SNX29: variants seen among roughly 807,000 people sequenced by gnomAD.
SNX29 encodes sorting nexin 29.
A neutral mutation model predicts 102.1 loss-of-function variants in SNX29; 78 were observed. The observed-to-expected ratio is 0.76, with a 90% CI of 0.64 to 0.92. The LOEUF (loss-of-function observed/expected upper bound fraction) is 0.92. SNX29 is among the 40% of genes least tolerant of loss of function. The probability of loss-of-function intolerance (pLI) is 0.00; values close to 1 mark genes in which losing one functional copy is unlikely to be tolerated. For synonymous variants in SNX29, 580 were observed against 414.5 expected (o/e 1.40, Z -4.85); for missense variants, 1,280 against 1,061.7 (o/e 1.21, Z -2.86).
intron 20 of SNX29, among the ~76,000 whole-genome samples, chr16:12,551,604 A>G (rs368960432): frequency 5.9e-5 from 9 of 152,212 alleles, no homozygotes; most frequent in Non-Finnish European, 1.0e-4. Flanking sequence ...CTGGTGTTAC[A>G]ATTAGATCTG....
At chr16:12,561,228 G>A (rs1013070332) in intron 20 of SNX29, 3 of 229,940 alleles carry the variant, frequency 1.3e-5, no homozygotes, top group East Asian at 1.2e-4. Context: ...CAGTACAGAA[G>A]GCAGAGCAAG....
intron 13 of SNX29, among the ~76,000 whole-genome samples, chr16:12,144,766 G>T (rs1037433312): frequency 2.6e-5 from 4 of 152,246 alleles, no homozygotes; most frequent in Admixed American, 2.0e-4. Context: ...GTGTTACCCA[G>T]GCTGGACTGC....
chr16:12,157,158 C>T (rs956769436), intron 13 of SNX29, among the ~76,000 whole-genome samples: 4 of 152,152 alleles, frequency 2.6e-5, no homozygotes, highest in Non-Finnish European at 4.4e-5. Context: ...GCCTCGCAGT[C>T]GCCTCGGAAG....
chr16:12,564,158 G>A (rs2078889000), intron 20 of SNX29, among the ~76,000 whole-genome samples: 1 of 152,148 alleles, frequency 6.6e-6, no homozygotes, highest in Non-Finnish European at 1.5e-5. Flanking sequence ...GAGGCCTGAG[G>A]TAGAGGATTG....
At chr16:12,099,567 G>A (rs2141188517) in intron 11 of SNX29, among the ~76,000 whole-genome samples, 1 of 152,302 alleles carries the variant, frequency 6.6e-6, no homozygotes, top group South Asian at 2.1e-4. Flanking sequence ...TGGCTCTTGG[G>A]TCCCCCACAG....
rs1243893297 is a variant in SNX29, at chr16:12,571,534, C to CT, written c.*2908dup. ...AGGGCCTTGGATTCCTGGGACCACC[C>CT]TTTGCTGGGAGGAAGAATCCACACC... On this transcript the variant is annotated 3_prime_UTR_variant, in exon 21 of 21. Transcript: ENST00000566228. The CT allele has an allele frequency of 2.3e-6, 2 of 888,304 alleles. No homozygotes were observed. The highest frequency in any genetic ancestry group is 2.8e-6 in the Non-Finnish European group (2 of 718,380). The allele number at this position is 888,304 out of a possible 1,614,324, so 55.0% of individuals were successfully genotyped here.
intron 14 of SNX29, among the ~76,000 whole-genome samples, chr16:12,237,054 G>T (rs1455112120): frequency 6.6e-6 from 1 of 152,182 alleles, no homozygotes; most frequent in Non-Finnish European, 1.5e-5. Context: ...TTGGGAAACT[G>T]ACTCTCAGTC....
intron 17 of SNX29, among the ~76,000 whole-genome samples, chr16:12,401,001 T>A (rs940284951): frequency 6.6e-6 from 1 of 152,076 alleles, no homozygotes; most frequent in African/African-American, 2.4e-5. Flanking sequence ...ATTTTTTTTG[T>A]TTGTATTTTT....
intron 13 of SNX29, among the ~76,000 whole-genome samples, chr16:12,155,376 A>C (rs906674999): frequency 1.3e-5 from 2 of 152,316 alleles, no homozygotes; most frequent in Middle Eastern, 3.4e-3. Flanking sequence ...GGAGCAGCTC[A>C]CGTGAAGAGC....
At chr16:12,543,830 G>GT (rs2077457355) in intron 20 of SNX29, among the ~76,000 whole-genome samples, 1 of 152,200 alleles carries the variant, frequency 6.6e-6, no homozygotes, top group African/African-American at 2.4e-5. Flanking sequence ...GGACACCTTC[G>GT]TATTTGGAAG....
rs568234339 is a variant in SNX29 at position 12,539,032 on chromosome 16, T to TG, written c.2318+14195dup. ...GCCAAAACCATCCATGAATCCAGAA[T>TG]GGGGCCCAGAAAGACATCACTGTGT... is the stretch of plus-strand genomic sequence containing the variant. On this transcript the variant is annotated intron_variant, in intron 20 of 20. Transcript: ENST00000566228. 2.0e-4 allele frequency among the ~76,000 whole-genome samples: 30 copies of TG among 152,250 alleles called. No individual in the cohort carries two copies. The East Asian group carries it at 5.8e-3, about 29-fold the overall frequency.
intron 13 of SNX29, among the ~76,000 whole-genome samples, chr16:12,152,296 G>T (rs2055335573): frequency 6.6e-6 from 1 of 152,132 alleles, no homozygotes; most frequent in African/African-American, 2.4e-5. Context: ...ATACTTTTCT[G>T]TTAAGAGGTG....
chr16:12,439,769 C>G (rs1476717768), intron 18 of SNX29, among the ~76,000 whole-genome samples: 1 of 152,220 alleles, frequency 6.6e-6, no homozygotes, highest in East Asian at 1.9e-4. Flanking sequence ...GGTACACTTA[C>G]TTTGCCTCTC....
intron 15 of SNX29, among the ~76,000 whole-genome samples, chr16:12,304,371 C>CT (rs1435158766): frequency 3.9e-5 from 6 of 152,216 alleles, no homozygotes; most frequent in Non-Finnish European, 7.3e-5. Flanking sequence ...CTCCCAGGTT[C>CT]AAGCGATTCT....
At chr16:12,003,992 C>T (rs568171725) in intron 3 of SNX29, among the ~76,000 whole-genome samples, 7 of 152,050 alleles carry the variant, frequency 4.6e-5, no homozygotes, top group East Asian at 1.9e-4. Context: ...GCTGAGATCG[C>T]GCCACTGTAC....
intron 19 of SNX29, among the ~76,000 whole-genome samples, chr16:12,481,264 G>A (rs899161401): frequency 6.6e-6 from 1 of 151,994 alleles, no homozygotes; most frequent in South Asian, 2.1e-4. Context: ...GGTGGGGGTG[G>A]ATCTGACCAC....
chr16:12,549,422 G>A lies in SNX29; in HGVS notation c.2319-19084G>A, dbSNP rs183663573. 1.9e-3 allele frequency among the ~76,000 whole-genome samples: 286 copies of A among 152,344 alleles called. 4 individuals are homozygous for A. Among genetic ancestry groups the A allele is most frequent in the Admixed American group, 0.017 (255 of 15,306 alleles). On this transcript the variant is annotated intron_variant, in intron 20 of 20. Coordinates refer to ENST00000566228, the MANE Select transcript of SNX29 (RefSeq NM_032167.5). ...AGGCAGGAGAATCTCTTGAACCTGG[G>A]AGGTGGAGGTTGCAGTGACCTAAGA...
intron 14 of SNX29, among the ~76,000 whole-genome samples, chr16:12,199,974 G>GAA (rs1390352909): frequency 6.6e-6 from 1 of 152,158 alleles, no homozygotes; most frequent in Non-Finnish European, 1.5e-5. Context: ...GCATGGCAGT[G>GAA]AACCTTGTGG....
intron 13 of SNX29, among the ~76,000 whole-genome samples, chr16:12,147,379 T>C (rs952104600): frequency 9.8e-5 from 15 of 152,324 alleles, no homozygotes; most frequent in South Asian, 4.2e-4. Flanking sequence ...ATGACAGAAC[T>C]CTTATGAAAA....
Sources: allele counts gnomAD v4.1 joint callset (sites outside exome capture counted in the v4.1 genomes callset), GRCh38; gene constraint gnomAD v4.1.1; transcripts MANE v1.5; gene names NCBI Gene and HGNC (gene_info 2026-07-23, HGNC 2026-07-21).